The following RANBP2 variants were observed in gnomAD, a reference collection of about 807,000 sequenced individuals.
The protein encoded by RANBP2 is E3 SUMO-protein ligase RanBP2.
RANBP2 carries 57 observed loss-of-function variants against 303.6 expected under a neutral mutation model. The ratio of observed to expected loss-of-function variants is 0.19; its 90% CI spans 0.15 to 0.23. The LOEUF is 0.23. Ranked by LOEUF, RANBP2 falls within the 10% of genes least tolerant of loss-of-function variation. RANBP2 has a pLI of 1.00. For missense variants in RANBP2, 3,138 were observed against 3,780.8 expected (o/e 0.83, Z 4.46); for synonymous variants, 1,167 against 1,301.5 (o/e 0.90, Z 2.23).
chr2:109,618,180 G>T, the RANBP2 span: 2 of 166,946 alleles, frequency 1.2e-5, no homozygotes, highest in Non-Finnish European at 2.9e-5. Flanking sequence ...ATAAAAACAG[G>T]CTCCTGGAAG....
At chr2:109,537,412 T>A in the RANBP2 span, among the ~76,000 whole-genome samples, 1 of 152,222 alleles carries the variant, frequency 6.6e-6, no homozygotes, top group Non-Finnish European at 1.5e-5. Flanking sequence ...TGAGGTACTA[T>A]CCTTTTTATA....
chr2:109,338,714 C>T, the RANBP2 span, among the ~76,000 whole-genome samples: 9 of 152,170 alleles, frequency 5.9e-5, no homozygotes, highest in East Asian at 1.9e-4. Context: ...TGCGCCACCA[C>T]GCCCGACTAA....
chr2:109,252,254 G>A, the RANBP2 span, among the ~76,000 whole-genome samples: 39 of 144,586 alleles, frequency 2.7e-4, no homozygotes, highest in Admixed American at 2.7e-4. Context: ...TCTCAGAGGA[G>A]AAAAAAAAAA....
the RANBP2 span, among the ~76,000 whole-genome samples, chr2:108,978,755 A>G: frequency 6.6e-6 from 1 of 152,198 alleles, no homozygotes; most frequent in East Asian, 1.9e-4. Context: ...TTTGGTATGG[A>G]GACAGTCTAT....
chr2:109,430,352 G>C, the RANBP2 span, among the ~76,000 whole-genome samples: 1 of 152,188 alleles, frequency 6.6e-6, no homozygotes, highest in African/African-American at 2.4e-5. Flanking sequence ...CATTGTTACT[G>C]ATTCACAAGC....
chr2:109,649,559 G>A, the RANBP2 span, among the ~76,000 whole-genome samples: 4 of 151,802 alleles, frequency 2.6e-5, no homozygotes, highest in African/African-American at 4.8e-5. Flanking sequence ...CACCACACCC[G>A]GCTAATTTTT....
At chr2:109,176,330 G>A in the RANBP2 span, among the ~76,000 whole-genome samples, 1 of 152,206 alleles carries the variant, frequency 6.6e-6, no homozygotes, top group African/African-American at 2.4e-5. Context: ...GGAAGGAGGT[G>A]TTTTGAGAGA....
chr2:109,284,954 TGG>T, the RANBP2 span, among the ~76,000 whole-genome samples: 2 of 152,370 alleles, frequency 1.3e-5, no homozygotes, highest in Admixed American at 1.3e-4. Flanking sequence ...AAAGACATTC[TGG>T]CCTTGTGCCA....
At chr2:109,681,372 C>T in the RANBP2 span, among the ~76,000 whole-genome samples, 1 of 152,144 alleles carries the variant, frequency 6.6e-6, no homozygotes, top group Non-Finnish European at 1.5e-5. Context: ...CTTATTTGTA[C>T]ACGTATTCAA....
chr2:109,526,943 G>C, the RANBP2 span, among the ~76,000 whole-genome samples: 1 of 152,152 alleles, frequency 6.6e-6, no homozygotes, highest in Admixed American at 6.5e-5. Flanking sequence ...GCCTGCCTGC[G>C]TGGGGGCTGG....
the RANBP2 span, among the ~76,000 whole-genome samples, chr2:108,973,090 A>G: frequency 6.6e-6 from 1 of 152,110 alleles, no homozygotes; most frequent in African/African-American, 2.4e-5. Context: ...AGGTTCAAGC[A>G]CCTCTCATGC....
At chr2:108,741,344 G>A (rs1367372948) in intron 7 of RANBP2, among the ~76,000 whole-genome samples, 7 of 142,162 alleles carry the variant, frequency 4.9e-5, no homozygotes, top group African/African-American at 1.6e-4. Flanking sequence ...CTACAGGCCC[G>A]TGCTACCACA....
the RANBP2 span, among the ~76,000 whole-genome samples, chr2:109,699,187 C>T: frequency 5.1e-4 from 77 of 152,332 alleles, no homozygotes; most frequent in Non-Finnish European, 5.1e-4. Flanking sequence ...GAATGTCATT[C>T]CATGCATGCA....
the RANBP2 span, among the ~76,000 whole-genome samples, chr2:108,993,399 T>G: frequency 6.6e-6 from 1 of 152,168 alleles, no homozygotes; most frequent in Non-Finnish European, 1.5e-5. Flanking sequence ...ACGTGGGGGC[T>G]GGACAAAAGG....
the RANBP2 span, chr2:108,906,446 G>C: frequency 6.7e-7 from 1 of 1,499,114 alleles, no homozygotes; most frequent in Non-Finnish European, 9.3e-7. Context: ...ATGTCAGCAG[G>C]GGCAGGCAGC....
chr2:108,850,443 TTTTTGTTTTG>T, the RANBP2 span, among the ~76,000 whole-genome samples: 1 of 152,134 alleles, frequency 6.6e-6, no homozygotes, highest in East Asian at 1.9e-4. Context: ...TGGCGAGTTT[TTTTTGTTTTG>T]TTTTGTTTTG....
the RANBP2 span, among the ~76,000 whole-genome samples, chr2:109,013,994 C>T: frequency 6.6e-6 from 1 of 152,214 alleles, no homozygotes; most frequent in Non-Finnish European, 1.5e-5. Context: ...ACAATGGAGA[C>T]ATTCCAGTTC....
At chr2:108,844,691 A>T in the RANBP2 span, among the ~76,000 whole-genome samples, 1 of 151,808 alleles carries the variant, frequency 6.6e-6, no homozygotes, top group African/African-American at 2.4e-5. Flanking sequence ...AACAACCCAG[A>T]GTGCTATTTT....
chr2:109,226,488 A>G, the RANBP2 span, among the ~76,000 whole-genome samples: 1 of 152,230 alleles, frequency 6.6e-6, no homozygotes, highest in Admixed American at 6.5e-5. Context: ...CTCTTAAGAC[A>G]TAAACCAAAA....
Sources: gnomAD v4.1 joint callset for allele counts (sites outside exome capture counted in the v4.1 genomes callset) on GRCh38, gnomAD v4.1.1 for gene constraint, MANE v1.5 for transcripts, NCBI Gene and HGNC (gene_info 2026-07-23, HGNC 2026-07-21) for gene names.